SCFD1: variants seen among roughly 807,000 people sequenced by gnomAD.
The protein encoded by SCFD1 is sec1 family domain containing 1.
Under a neutral mutation model 103.2 loss-of-function variants are expected in SCFD1, and 37 were observed. That is an observed-to-expected ratio of 0.36 (90% confidence interval 0.28 to 0.47). SCFD1 has a LOEUF of 0.47. Ranked by LOEUF, SCFD1 falls within the 20% of genes least tolerant of loss-of-function variation. SCFD1 has a pLI of 1.00. For missense variants in SCFD1, 639 were observed against 761.2 expected, an observed-to-expected ratio of 0.84 and a Z score of 1.89; for synonymous variants, 264 against 245.0, an observed-to-expected ratio of 1.08 and a Z score of -0.73.
chr14:30,682,519 A>C (rs1480181695), intron 14 of SCFD1, among the ~76,000 whole-genome samples: 1 of 152,246 alleles, frequency 6.6e-6, no homozygotes, highest in Admixed American at 6.5e-5. Context: ...TGAATAACTG[A>C]AAATAAATTA....
In SCFD1 at chr14:30,653,582, T is replaced by C. The variant is rs1886606879; in HGVS notation, c.849T>C (p.Asp283=). Reference sequence around the variant, plus strand: ...GGACATATCAAGCATTGGTGCACGATGTACTGGTAAGAGACTAAATGCAGC... The same window carrying C: ...GGACATATCAAGCATTGGTGCACGACGTACTGGTAAGAGACTAAATGCAGC... ...HTWTYQALVH[D]VLDFHLNRVN... The change falls in exon 10 of 25, where the codon GAT becomes GAC. Residue 283 remains aspartate (D), a synonymous_variant. Coordinates refer to ENST00000458591, the MANE Select transcript of SCFD1 (RefSeq NM_016106.4). 6 of 1,603,894 alleles carry C rather than the reference T, an allele frequency of 3.7e-6. No homozygotes were observed. The highest frequency in any genetic ancestry group is 4.3e-6 in the Non-Finnish European group (5 of 1,171,358).
chr14:30,641,766 G>A (rs1594585367), intron 6 of SCFD1, among the ~76,000 whole-genome samples: 1 of 151,850 alleles, frequency 6.6e-6, no homozygotes, highest in African/African-American at 2.4e-5. Context: ...GGTGGGCCAC[G>A]CTTTCTGTAG....
intron 10 of SCFD1, among the ~76,000 whole-genome samples, chr14:30,665,403 G>C (rs1028607989): frequency 5.9e-5 from 9 of 152,230 alleles, no homozygotes; most frequent in Admixed American, 2.0e-4. Flanking sequence ...CACTAAACAT[G>C]GAAAGGAACA....
intron 23 of SCFD1, among the ~76,000 whole-genome samples, chr14:30,730,465 A>G (rs1406006902): frequency 6.6e-6 from 1 of 152,234 alleles, no homozygotes; most frequent in African/African-American, 2.4e-5. Flanking sequence ...ACTAGTTTAC[A>G]GTCCCACCAA....
At chr14:30,689,927 C>T (rs1423690170) in intron 14 of SCFD1, among the ~76,000 whole-genome samples, 18 of 56,810 alleles carry the variant, frequency 3.2e-4, no homozygotes, top group African/African-American at 1.1e-3. Flanking sequence ...CTGTTTTTTC[C>T]CCATCTTTGT....
intron 17 of SCFD1, 72 bp from the exon 18 acceptor site, chr14:30,705,751 A>G (rs1891423514): frequency 1.7e-6 from 2 of 1,148,358 alleles, no homozygotes; most frequent in Non-Finnish European, 1.3e-6. Flanking sequence ...TAGTCAGTAG[A>G]TATTTTAATA....
intron 1 of SCFD1, among the ~76,000 whole-genome samples, chr14:30,625,071 T>C (rs73251146): frequency 0.017 from 2,547 of 152,268 alleles, 94 homozygotes; most frequent in African/African-American, 0.058. Context: ...CTACATACCA[T>C]ATGTTTTACT....
At position 30,706,084 on chromosome 14, in the gene SCFD1, A is replaced by G. The variant is rs371728759; in HGVS notation, c.1553+199A>G. Among the ~76,000 whole-genome samples the G allele has an allele frequency of 9.2e-5, 14 of 151,640 alleles. No homozygotes were observed. The East Asian group carries it at 1.4e-3, about 15-fold the overall frequency. On this transcript the variant is annotated intron_variant, in intron 18 of 24. Coordinates refer to ENST00000458591, the MANE Select transcript of SCFD1 (RefSeq NM_016106.4). ...TTTCATTGACATTTAATAATTGTAC[A>G]TATTTATGGGGTACAGTGTGCTAAT...
At chr14:30,645,739 G>A (rs557549007) in intron 7 of SCFD1, among the ~76,000 whole-genome samples, 1 of 152,260 alleles carries the variant, frequency 6.6e-6, no homozygotes, top group African/African-American at 2.4e-5. Flanking sequence ...AGAGAGTATG[G>A]AATTTGTGAG....
intron 18 of SCFD1, 139 bp from the exon 19 acceptor site, chr14:30,707,851 C>G: frequency 1.3e-6 from 1 of 742,364 alleles, no homozygotes; most frequent in Non-Finnish European, 2.5e-6. Context: ...TTCTCAAGAC[C>G]CTTCTGTTTA....
intron 2 of SCFD1, among the ~76,000 whole-genome samples, chr14:30,629,021 A>G (rs1057427149): frequency 2.6e-5 from 4 of 152,190 alleles, no homozygotes; most frequent in African/African-American, 9.7e-5. Flanking sequence ...GCTCCAGAGT[A>G]TTCCCTAATT....
At chr14:30,675,578 C>G (rs930059851) in intron 14 of SCFD1, among the ~76,000 whole-genome samples, 3 of 152,118 alleles carry the variant, frequency 2.0e-5, no homozygotes, top group African/African-American at 7.2e-5. Flanking sequence ...AGTTCTTTTT[C>G]TCATTACCGT....
intron 7 of SCFD1, among the ~76,000 whole-genome samples, chr14:30,645,756 G>T (rs1272933147): frequency 6.6e-6 from 1 of 152,088 alleles, no homozygotes; most frequent in Non-Finnish European, 1.5e-5. Context: ...TGAGGTATAA[G>T]ATCATATAAC....
At chr14:30,636,691 C>G (rs1440447316) in intron 4 of SCFD1, among the ~76,000 whole-genome samples, 1 of 151,994 alleles carries the variant, frequency 6.6e-6, no homozygotes, top group Non-Finnish European at 1.5e-5. Context: ...TTTTTTCAGA[C>G]TGTTTTGGCT....
intron 3 of SCFD1, among the ~76,000 whole-genome samples, chr14:30,633,496 T>G (rs964310713): frequency 2.0e-5 from 3 of 152,194 alleles, no homozygotes; most frequent in African/African-American, 7.2e-5. Flanking sequence ...TTAAATTTTT[T>G]TATAGCTTCT....
intron 7 of SCFD1, among the ~76,000 whole-genome samples, chr14:30,645,260 A>G (rs563813686): frequency 6.6e-6 from 1 of 152,266 alleles, no homozygotes; most frequent in South Asian, 2.1e-4. Context: ...CTTCGAAGTC[A>G]GGTTGTGTAA....
At chr14:30,659,620 T>C (rs1292968250) in intron 10 of SCFD1, among the ~76,000 whole-genome samples, 1 of 152,208 alleles carries the variant, frequency 6.6e-6, no homozygotes, top group Non-Finnish European at 1.5e-5. Context: ...GTCCTAGGGT[T>C]GTAAACAGCT....
intron 3 of SCFD1, among the ~76,000 whole-genome samples, chr14:30,633,615 T>A (rs1413029822): frequency 6.6e-6 from 1 of 152,142 alleles, no homozygotes; most frequent in Non-Finnish European, 1.5e-5. Flanking sequence ...CCACCACATT[T>A]CTATGAAAAG....
chr14:30,690,829 T>C (rs955611284), intron 14 of SCFD1, among the ~76,000 whole-genome samples: 1 of 152,256 alleles, frequency 6.6e-6, no homozygotes, highest in African/African-American at 2.4e-5. Flanking sequence ...CCATCTTGGC[T>C]CCTCGCCCAC....
Sources: gnomAD v4.1 joint callset for allele counts (sites outside exome capture counted in the v4.1 genomes callset) on GRCh38, gnomAD v4.1.1 for gene constraint, MANE v1.5 for transcripts, NCBI Gene and HGNC (gene_info 2026-07-23, HGNC 2026-07-21) for gene names.